SENP7: variants seen among roughly 807,000 people sequenced by gnomAD.
The protein encoded by SENP7 is SUMO specific peptidase 7, also known as sentrin-specific protease 7.
In SENP7, 64 loss-of-function variants were observed where a neutral mutation model predicts 141.2. The observed-to-expected ratio is 0.45, with a 90% CI of 0.37 to 0.56. The LOEUF is 0.56. Ranked by LOEUF, SENP7 falls within the 20% of genes least tolerant of loss-of-function variation. SENP7 has a pLI of 0.00. For missense variants in SENP7, 1,025 were observed against 1,212.2 expected (o/e 0.85, Z 2.29); for synonymous variants, 382 against 426.4 (o/e 0.90, Z 1.28).
chr3:101,389,064 G>A (rs2060738649), intron 6 of SENP7, among the ~76,000 whole-genome samples: 1 of 152,158 alleles, frequency 6.6e-6, no homozygotes, highest in African/African-American at 2.4e-5. Context: ...CAAAGGGATA[G>A]AAAACATACT....
chr3:101,342,658 T>C (rs2059356381), intron 14 of SENP7, among the ~76,000 whole-genome samples: 1 of 152,046 alleles, frequency 6.6e-6, no homozygotes, highest in Non-Finnish European at 1.5e-5. Flanking sequence ...TTTCCTTGTT[T>C]TTCATGACCT....
At chr3:101,474,795 G>GTA (rs1050290059) in intron 3 of SENP7, among the ~76,000 whole-genome samples, 2 of 152,126 alleles carry the variant, frequency 1.3e-5, no homozygotes, top group Non-Finnish European at 2.9e-5. Context: ...TGCCCATTCA[G>GTA]TATGATGTTG....
At chr3:101,477,718 G>T (rs1045717625) in intron 3 of SENP7, among the ~76,000 whole-genome samples, 1 of 152,010 alleles carries the variant, frequency 6.6e-6, no homozygotes, top group African/African-American at 2.4e-5. Context: ...GAGTGTGGTG[G>T]TGGGTGCCTG....
chr3:101,506,362 G>C (rs181983450), intron 1 of SENP7, among the ~76,000 whole-genome samples: 56 of 151,930 alleles, frequency 3.7e-4, no homozygotes, highest in African/African-American at 1.2e-3. Flanking sequence ...CTGGAATTAT[G>C]CTAAGTGCTT....
intron 4 of SENP7, chr3:101,457,655 A>C (rs559191320): frequency 6.7e-7 from 1 of 1,502,172 alleles, no homozygotes; most frequent in East Asian, 2.3e-5. Flanking sequence ...TTCTACGAGC[A>C]GTTCCTTTCC....
At chr3:101,391,574 A>G (rs1327396080) in intron 6 of SENP7, among the ~76,000 whole-genome samples, 1 of 152,206 alleles carries the variant, frequency 6.6e-6, no homozygotes, top group African/African-American at 2.4e-5. Context: ...AGTAACAAGC[A>G]ACAAGATCAA....
chr3:101,471,985 TA>T (rs1473363223), intron 3 of SENP7, among the ~76,000 whole-genome samples: 2 of 152,128 alleles, frequency 1.3e-5, no homozygotes, highest in African/African-American at 2.4e-5. Context: ...TGGCAATCAT[TA>T]AAAAGTCAGC....
intron 5 of SENP7, among the ~76,000 whole-genome samples, chr3:101,406,268 T>A (rs1166845374): frequency 6.6e-6 from 1 of 151,840 alleles, no homozygotes; most frequent in Non-Finnish European, 1.5e-5. Context: ...AAAGGATGAG[T>A]TCATGTCCTT....
chr3:101,325,430 T>C lies in SENP7; in HGVS notation c.*513A>G, dbSNP rs923259142. On this transcript the variant is annotated 3_prime_UTR_variant, in exon 24 of 24. Coordinates refer to ENST00000394095, the MANE Select transcript of SENP7 (RefSeq NM_020654.5). ...TTACATACAGAAGGGATGCCGTAAATGGCATTTTCTGAAGCCTTGATACTA... is the reference window on the plus strand; with the variant it reads ...TTACATACAGAAGGGATGCCGTAAACGGCATTTTCTGAAGCCTTGATACTA... The C allele has an allele frequency of 5.2e-5, 8 of 152,552 alleles. No individual in the cohort carries two copies. The highest frequency in any genetic ancestry group is 1.9e-4 in the African/African-American group (8 of 41,426). 9.4% of individuals were successfully genotyped at this position (152,552 alleles called of 1,614,324 possible).
chr3:101,366,600 T>C lies in SENP7; in HGVS notation c.1148A>G (p.Lys383Arg). Residue 383 changes from lysine to arginine, a missense_variant, in exon 9 of 24, where the codon AAA becomes AGA. By Grantham distance (26) the Lys-to-Arg change is conservative. This residue lies in a region of SENP7 where 496 missense variants were observed against 503.5 expected (regional missense o/e 0.99). Coordinates refer to ENST00000394095, the MANE Select transcript of SENP7 (RefSeq NM_020654.5). ...AGTGGTTGAACCGGCAGAGGCACTT[T>C]TGGTGGCATTACTCAAAGTCAACTC... Reference protein sequence around the residue: ...SQELTLSNATKSASAGSTTET... With the variant: ...SQELTLSNATRSASAGSTTET... The C allele has an allele frequency of 6.2e-7, 1 of 1,613,976 alleles. No homozygotes were observed. Among genetic ancestry groups the C allele is most frequent in the Non-Finnish European group, 8.5e-7 (1 of 1,179,896 alleles).
rs201193359 is a variant in SENP7 at position 101,435,548 on chromosome 3, G to GA, written c.285-17759dup. Among the ~76,000 whole-genome samples the GA allele has an allele frequency of 2.2e-4, 33 of 151,932 alleles. No homozygotes were observed. The East Asian group carries it at 6.4e-3, about 29-fold the overall frequency. Reference sequence around the variant, plus strand: ...GTTTGGAAAAACCTACAGACTCCATGAAAAAACTATTAGAACTGATAAACA... The same window carrying GA: ...GTTTGGAAAAACCTACAGACTCCATGAAAAAAACTATTAGAACTGATAAACA... On this transcript the variant is annotated intron_variant, in intron 4 of 23. Coordinates refer to ENST00000394095, the MANE Select transcript of SENP7 (RefSeq NM_020654.5).
At position 101,513,077 on chromosome 3, in the gene SENP7, T is replaced by A. The variant is rs9682313; in HGVS notation, c.40+14A>T. 1 of 1,612,728 alleles carries A rather than the reference T, an allele frequency of 6.2e-7. No homozygotes were observed. The highest frequency in any genetic ancestry group is 8.5e-7 in the Non-Finnish European group (1 of 1,179,242). ...GGAGACAATATGTTCAGCCCTTCTC[T>A]GACCCTTTCTCACCGGATGAAGATG... On this transcript the variant is annotated intron_variant, in intron 1 of 23. Transcript: ENST00000394095.
rs2058864856 is a variant in SENP7 at position 101,325,115 on chromosome 3, A to G, written c.*828T>C. The G allele has an allele frequency of 6.6e-6, 1 of 152,080 alleles. No homozygotes were observed. Among genetic ancestry groups the G allele is most frequent in the African/African-American group, 2.4e-5 (1 of 41,434 alleles). The allele number at this position is 152,080 out of a possible 1,614,324, so 9.4% of individuals were successfully genotyped here. The stretch of plus-strand genomic sequence containing the variant: ...TGAGGACACCAATTTTATCTTCTAT[A>G]TTAGAGAAACTATACATAAATTCCG... On this transcript the variant is annotated 3_prime_UTR_variant, in exon 24 of 24. Transcript: ENST00000394095.
intron 3 of SENP7, among the ~76,000 whole-genome samples, chr3:101,483,857 A>G (rs1310494237): frequency 6.6e-6 from 1 of 152,092 alleles, no homozygotes; most frequent in Non-Finnish European, 1.5e-5. Flanking sequence ...CCTCACCTCT[A>G]CTAAAAATAC....
In SENP7 at chr3:101,366,580, T is replaced by C. The variant is rs763017220; in HGVS notation, c.1168A>G (p.Thr390Ala). The stretch of plus-strand genomic sequence containing the variant: ...TTAGAGTTCTCAACGGTTTCAGTGG[T>C]TGAACCGGCAGAGGCACTTTTGGTG... ...NATKSASAGS[T>A]TETVENSNSI... is the part of the protein sequence containing the mutation. The change falls in exon 9 of 24, where the codon ACC (threonine) becomes GCC (alanine). Residue 390 changes from threonine to alanine, a missense_variant. This residue lies in a region of SENP7 where 496 missense variants were observed against 503.5 expected (regional missense o/e 0.99). Coordinates refer to ENST00000394095, the MANE Select transcript of SENP7 (RefSeq NM_020654.5). The C allele has an allele frequency of 1.2e-5, 19 of 1,613,894 alleles. No individual in the cohort carries two copies. In the African/African-American group the frequency reaches 2.1e-4, roughly 18 times the overall value.
intron 5 of SENP7, among the ~76,000 whole-genome samples, chr3:101,407,999 T>C (rs2061351204): frequency 6.6e-6 from 1 of 152,012 alleles, no homozygotes; most frequent in Admixed American, 6.5e-5. Flanking sequence ...AAAGCTGGTT[T>C]TCTGAAAAGA....
At chr3:101,504,577 TAAG>T (rs1264253773) in intron 1 of SENP7, among the ~76,000 whole-genome samples, 4 of 152,154 alleles carry the variant, frequency 2.6e-5, no homozygotes, top group African/African-American at 4.8e-5. Context: ...AAATAAGTGA[TAAG>T]AAAGTATCCT....
chr3:101,482,979 G>C (rs1368910386), intron 3 of SENP7, among the ~76,000 whole-genome samples: 2 of 152,168 alleles, frequency 1.3e-5, no homozygotes, highest in Non-Finnish European at 2.9e-5. Context: ...AAAGAAAAGG[G>C]AATGCTTATC....
chr3:101,476,403 T>C (rs941449194), intron 3 of SENP7, among the ~76,000 whole-genome samples: 4 of 152,210 alleles, frequency 2.6e-5, no homozygotes, highest in Admixed American at 2.6e-4. Context: ...TCCAGCTTCA[T>C]CCATGTCCCT....
Sources: gnomAD v4.1 joint callset for allele counts (sites outside exome capture counted in the v4.1 genomes callset) on GRCh38, gnomAD v4.1.1 for gene constraint, gnomAD v4.1.1 regional missense constraint, MANE v1.5 for transcripts, NCBI Gene and HGNC (gene_info 2026-07-23, HGNC 2026-07-21) for gene names.